PPP2R2B: variants seen among roughly 807,000 people sequenced by gnomAD.
The protein encoded by PPP2R2B is protein phosphatase 2 regulatory subunit Bbeta.
A neutral mutation model predicts 46.0 loss-of-function variants in PPP2R2B; 5 were observed. The observed-to-expected ratio is 0.11, with a 90% CI of 0.06 to 0.23. The LOEUF is 0.23. PPP2R2B is among the 10% of genes least tolerant of loss of function. The pLI is 1.00. For missense variants in PPP2R2B, 367 were observed against 575.0 expected (o/e 0.64, Z 3.70); for synonymous variants, 215 against 206.7 (o/e 1.04, Z -0.34).
At chr5:146,678,071 G>C (rs371594264) in intron 5 of PPP2R2B, among the ~76,000 whole-genome samples, 1 of 152,160 alleles carries the variant, frequency 6.6e-6, no homozygotes, top group African/African-American at 2.4e-5. Context: ...ATGGCTCAGA[G>C]GGTTAAAAGC....
At chr5:147,046,740 C>T (rs1223383422) in intron 1 of PPP2R2B, among the ~76,000 whole-genome samples, 1 of 151,896 alleles carries the variant, frequency 6.6e-6, no homozygotes, top group African/African-American at 2.4e-5. Context: ...TCCTCCCTCA[C>T]TATTTTTACC....
chr5:146,731,178 T>A (rs1329120805), intron 2 of PPP2R2B, among the ~76,000 whole-genome samples: 7 of 152,164 alleles, frequency 4.6e-5, no homozygotes, highest in Non-Finnish European at 1.0e-4. Context: ...GACAAAGACA[T>A]CCCTGACAGG....
chr5:146,723,623 A>C (rs1751663848), intron 2 of PPP2R2B, among the ~76,000 whole-genome samples: 1 of 152,188 alleles, frequency 6.6e-6, no homozygotes, highest in African/African-American at 2.4e-5. Context: ...TTGTGTTGAT[A>C]GGATAAAATC....
At chr5:146,952,826 G>C (rs888597218) in intron 1 of PPP2R2B, among the ~76,000 whole-genome samples, 1 of 152,126 alleles carries the variant, frequency 6.6e-6, no homozygotes, top group African/African-American at 2.4e-5. Flanking sequence ...TTGGCTGCTA[G>C]GTATGTGAGA....
intron 4 of PPP2R2B, among the ~76,000 whole-genome samples, chr5:146,691,553 TAC>T (rs1279731258): frequency 6.6e-6 from 1 of 152,230 alleles, no homozygotes; most frequent in Non-Finnish European, 1.5e-5. Context: ...GAGTGCAACA[TAC>T]ACAGAGCTTA....
intron 2 of PPP2R2B, among the ~76,000 whole-genome samples, chr5:146,734,047 AT>A (rs1340841571): frequency 3.4e-5 from 5 of 146,324 alleles, no homozygotes; most frequent in Non-Finnish European, 5.9e-5. Context: ...TGAAGATAAA[AT>A]GAGTTAGGTT....
intron 2 of PPP2R2B, among the ~76,000 whole-genome samples, chr5:147,079,059 A>G (rs1303668664): frequency 6.6e-6 from 1 of 152,092 alleles, no homozygotes; most frequent in Non-Finnish European, 1.5e-5. Flanking sequence ...GAAGACACTC[A>G]AAAATCTTCT....
intron 2 of PPP2R2B, among the ~76,000 whole-genome samples, chr5:146,723,063 C>T (rs948523444): frequency 1.3e-5 from 2 of 152,148 alleles, no homozygotes; most frequent in African/African-American, 4.8e-5. Flanking sequence ...GGGTTAGATG[C>T]CCATTTTAAG....
chr5:146,865,644 A>C (rs749339433), intron 2 of PPP2R2B, among the ~76,000 whole-genome samples: 10 of 152,350 alleles, frequency 6.6e-5, no homozygotes, highest in African/African-American at 2.2e-4. Flanking sequence ...TTTTAAAATA[A>C]CTACTGAGTG....
intron 9 of PPP2R2B, 21 bp from the exon 10 acceptor site, chr5:146,590,247 G>A: frequency 6.2e-7 from 1 of 1,608,838 alleles, no homozygotes; most frequent in Non-Finnish European, 8.5e-7. Context: ...GAGAGCAAAG[G>A]CAATGACATA....
intron 7 of PPP2R2B, among the ~76,000 whole-genome samples, chr5:146,615,951 C>T (rs1773128286): frequency 6.6e-6 from 1 of 152,106 alleles, no homozygotes; most frequent in South Asian, 2.1e-4. Context: ...AAGCAAAAAA[C>T]AAAACTGGAG....
chr5:146,705,767 TG>T (rs1260476241), intron 2 of PPP2R2B, among the ~76,000 whole-genome samples: 1 of 152,160 alleles, frequency 6.6e-6, no homozygotes, highest in Non-Finnish European at 1.5e-5. Flanking sequence ...GAAAAAAGTC[TG>T]GTTATGGCCA....
chr5:147,014,252 A>T (rs931277264), intron 1 of PPP2R2B, among the ~76,000 whole-genome samples: 3 of 146,866 alleles, frequency 2.0e-5, no homozygotes, highest in Non-Finnish European at 4.5e-5. Flanking sequence ...GCTGGAGAGG[A>T]TGTGGAGAAA....
chr5:146,588,524 A>AGAT lies in PPP2R2B; in HGVS notation c.*1420_*1422dup, dbSNP rs2150993469. 1 of 152,342 alleles carries AGAT rather than the reference A, an allele frequency of 6.6e-6. No individual in the cohort carries two copies. Among genetic ancestry groups the AGAT allele is most frequent in the African/African-American group, 2.4e-5 (1 of 41,568 alleles). The allele number at this position is 152,342 out of a possible 1,614,324, so 9.4% of individuals were successfully genotyped here. A position where few individuals can be genotyped will look rare whatever the true frequency, so the allele number is the denominator to read the frequency against. On this transcript the variant is annotated 3_prime_UTR_variant, in exon 10 of 10. Transcript: ENST00000394411. ...GTTAGGAGAAATGAGTCATCAAGACAGATGTAGAGATATTAACCCAGAACC... is the reference window on the plus strand; with the variant it reads ...GTTAGGAGAAATGAGTCATCAAGACAGATGATGTAGAGATATTAACCCAGAACC...
chr5:146,990,617 T>C (rs538023389), intron 1 of PPP2R2B, among the ~76,000 whole-genome samples: 1 of 152,088 alleles, frequency 6.6e-6, no homozygotes, highest in Non-Finnish European at 1.5e-5. Context: ...AAACTATTAG[T>C]AGAAAATATA....
At chr5:146,981,506 T>G (rs1255881054) in intron 1 of PPP2R2B, among the ~76,000 whole-genome samples, 1 of 152,146 alleles carries the variant, frequency 6.6e-6, no homozygotes, top group Non-Finnish European at 1.5e-5. Flanking sequence ...TCTCTTGGAA[T>G]TTTTTTGTTT....
chr5:146,843,998 T>G (rs1317677192), intron 2 of PPP2R2B, among the ~76,000 whole-genome samples: 5 of 152,052 alleles, frequency 3.3e-5, no homozygotes, highest in Non-Finnish European at 7.4e-5. Flanking sequence ...ATGGTATTTC[T>G]AGTTCTAGAT....
chr5:146,880,452 C>T (rs979490511), upstream of PPP2R2B, among the ~76,000 whole-genome samples: 4 of 152,130 alleles, frequency 2.6e-5, no homozygotes, highest in Non-Finnish European at 4.4e-5. Context: ...TTTGTAGTTA[C>T]ACATTGCAGC....
chr5:147,050,086 G>A (rs1374121538), intron 1 of PPP2R2B, among the ~76,000 whole-genome samples: 5 of 152,164 alleles, frequency 3.3e-5, no homozygotes, highest in Admixed American at 3.3e-4. Context: ...GTAAGAGAGA[G>A]GGGAGATGAC....
Sources: allele counts gnomAD v4.1 joint callset (sites outside exome capture counted in the v4.1 genomes callset), GRCh38; gene constraint gnomAD v4.1.1; transcripts MANE v1.5; gene names NCBI Gene and HGNC (gene_info 2026-07-23, HGNC 2026-07-21).